OPTN: variants seen among roughly 807,000 people sequenced by gnomAD.
The protein encoded by OPTN is E3-14.7K-interacting protein.
Under a neutral mutation model 70.4 loss-of-function variants are expected in OPTN, and 54 were observed. The observed-to-expected ratio is 0.77, with a 90% CI of 0.62 to 0.96. The LOEUF (loss-of-function observed/expected upper bound fraction) is 0.96. OPTN is among the 40% of genes least tolerant of loss of function. OPTN has a pLI of 0.00. For missense variants in OPTN, 624 were observed against 673.2 expected (o/e 0.93, Z 0.81); for synonymous variants, 256 against 248.5 (o/e 1.03, Z -0.28).
At chr10:13,114,747 CA>C (rs1477302049) in intron 5 of OPTN, among the ~76,000 whole-genome samples, 1 of 51,406 alleles carries the variant, frequency 1.9e-5, no homozygotes, top group South Asian at 5.4e-4. Context: ...ATATATTCTA[CA>C]ATTATATAAT....
chr10:13,129,744 A>G (rs966571888), intron 12 of OPTN, among the ~76,000 whole-genome samples: 8 of 152,186 alleles, frequency 5.3e-5, no homozygotes, highest in African/African-American at 1.9e-4. Context: ...TCACCAAAAG[A>G]TAAGCACTCC....
chr10:13,134,142 TTC>T (rs1341950135), intron 14 of OPTN, among the ~76,000 whole-genome samples: 1 of 152,228 alleles, frequency 6.6e-6, no homozygotes, highest in Non-Finnish European at 1.5e-5. Flanking sequence ...TCTCCCTCTG[TTC>T]TCTTACAGAC....
Position 13,109,181 on chromosome 10 carries a change from C to T in OPTN, c.59C>T (p.Thr20Ile). ...TEKEDSPSESTGNGPPHLAHP... is the reference protein window; with the variant it reads ...TEKEDSPSESIGNGPPHLAHP... ...AAGGAGGACAGCCCCAGTGAAAGCA[C>T]AGGAAATGGACCCCCCCACCTGGCC... is the stretch of plus-strand genomic sequence containing the variant. The change falls in exon 3 of 15, where the codon ACA (threonine) becomes ATA (isoleucine). Residue 20 changes from threonine (T) to isoleucine (I), a missense_variant. Transcript: ENST00000378747. 1 of 1,614,048 alleles carries T rather than the reference C, an allele frequency of 6.2e-7. No homozygotes were observed. Among genetic ancestry groups the T allele is most frequent in the Non-Finnish European group, 8.5e-7 (1 of 1,179,998 alleles).
In OPTN at chr10:13,118,887, G is replaced by A; in HGVS notation, c.627-1G>A. 2 of 1,613,842 alleles carry A rather than the reference G, an allele frequency of 1.2e-6. No homozygotes were observed. The highest frequency in any genetic ancestry group is 1.7e-6 in the Non-Finnish European group (2 of 1,179,750). ...AACCTTTTAACCTTTATACTGAACA[G>A]GGCATTGTCTAAATATAGGAGCAGA... On this transcript the variant is annotated splice_acceptor_variant, in intron 6 of 14. Transcript: ENST00000378747. LOFTEE classifies it high-confidence loss of function.
chr10:13,103,605 A>T (rs540734760), intron 1 of OPTN, among the ~76,000 whole-genome samples: 27 of 152,230 alleles, frequency 1.8e-4, no homozygotes, highest in Non-Finnish European at 3.7e-4. Flanking sequence ...ACCAGACAAG[A>T]CATTCTTGCA....
chr10:13,110,919 TA>T (rs887252888), intron 4 of OPTN, among the ~76,000 whole-genome samples: 4 of 152,240 alleles, frequency 2.6e-5, no homozygotes, highest in African/African-American at 9.6e-5. Context: ...TTTTCCTTTT[TA>T]AAAATGCTTT....
intron 1 of OPTN, among the ~76,000 whole-genome samples, chr10:13,101,392 A>AC (rs1288671596): frequency 6.6e-4 from 47 of 71,642 alleles, no homozygotes; most frequent in Non-Finnish European, 7.7e-4. Context: ...CCTAACCTCC[A>AC]CCCCCCCACC....
chr10:13,119,442 A>G (rs1833294317), intron 7 of OPTN, among the ~76,000 whole-genome samples: 1 of 152,176 alleles, frequency 6.6e-6, no homozygotes, highest in African/African-American at 2.4e-5. Flanking sequence ...CATTTTGTTT[A>G]TTCATTCATC....
At chr10:13,113,792 T>C (rs1833062922) in intron 5 of OPTN, among the ~76,000 whole-genome samples, 1 of 152,170 alleles carries the variant, frequency 6.6e-6, no homozygotes, top group Admixed American at 6.5e-5. Flanking sequence ...GTGTAATGGC[T>C]CACGCCTATA....
intron 5 of OPTN, among the ~76,000 whole-genome samples, chr10:13,114,814 T>TTATATAATTATATAATTATATAACATA (rs1333133395): frequency 3.0e-5 from 2 of 66,690 alleles, no homozygotes; most frequent in African/African-American, 6.6e-5. Context: ...ATATATATAA[T>TTATATAATTATATAATTATATAACATA]TATATAATTA....
intron 14 of OPTN, 76 bp from the exon 15 acceptor site, chr10:13,136,669 G>T (rs541689571): frequency 1.3e-6 from 2 of 1,574,348 alleles, no homozygotes; most frequent in African/African-American, 1.4e-5. Flanking sequence ...GTTAAAACTC[G>T]CCATCTGTTC....
At chr10:13,129,203 T>A (rs1298981714) in intron 12 of OPTN, among the ~76,000 whole-genome samples, 1 of 152,198 alleles carries the variant, frequency 6.6e-6, no homozygotes, top group African/African-American at 2.4e-5. Flanking sequence ...CTTGGCACCA[T>A]TTAAGCCATC....
chr10:13,112,483 G>T lies in OPTN; in HGVS notation c.400G>T (p.Ala134Ser), dbSNP rs952044326. ...CACTGATGACTCCAGGCTTCCCAGG[G>T]CCGAAGCGGAGCAGGAAAAGGACCA... ...DPTDDSRLPR[A>S]EAEQEKDQLR... The change falls in exon 5 of 15, where the codon GCC (alanine) becomes TCC (serine). Residue 134 changes from alanine to serine, a missense_variant. Transcript: ENST00000378747. The T allele has an allele frequency of 2.5e-6, 4 of 1,613,846 alleles. No homozygotes were observed. The African/African-American group carries it at 5.3e-5, about 22-fold the overall frequency.
chr10:13,118,495 A>G (rs755683855), intron 6 of OPTN, among the ~76,000 whole-genome samples: 12 of 152,304 alleles, frequency 7.9e-5, no homozygotes, highest in Non-Finnish European at 1.5e-4. Context: ...GGTCTGTACA[A>G]TGTGCCTTTA....
chr10:13,105,869 A>G (rs1356909149), intron 1 of OPTN, among the ~76,000 whole-genome samples: 1 of 151,960 alleles, frequency 6.6e-6, no homozygotes, highest in Non-Finnish European at 1.5e-5. Flanking sequence ...AGATTGTGCC[A>G]CTGTACTCCA....
At chr10:13,109,830 G>T (rs1187871847) in intron 3 of OPTN, among the ~76,000 whole-genome samples, 9 of 52,814 alleles carry the variant, frequency 1.7e-4, no homozygotes, top group African/African-American at 6.5e-4. Context: ...GAGAGACCCT[G>T]ACTCAAAAAA....
intron 1 of OPTN, among the ~76,000 whole-genome samples, chr10:13,101,071 T>C (rs766171061): frequency 2.1e-4 from 32 of 152,314 alleles, no homozygotes; most frequent in Non-Finnish European, 3.8e-4. Flanking sequence ...CCTTGCTCTT[T>C]TGACCCAGGG....
intron 7 of OPTN, among the ~76,000 whole-genome samples, chr10:13,120,401 C>T (rs1429572603): frequency 1.3e-5 from 2 of 151,218 alleles, no homozygotes; most frequent in Non-Finnish European, 3.0e-5. Flanking sequence ...TTTCTTTTGT[C>T]ACCTGTGCTT....
At chr10:13,136,259 T>C (rs142853913) in intron 14 of OPTN, among the ~76,000 whole-genome samples, 2,068 of 152,074 alleles carry the variant, frequency 0.014, 39 homozygotes, top group South Asian at 0.054. Context: ...CCAGTAATCC[T>C]AGCACTTTGG....
Sources: allele counts gnomAD v4.1 joint callset (sites outside exome capture counted in the v4.1 genomes callset), GRCh38; gene constraint gnomAD v4.1.1; transcripts MANE v1.5; gene names NCBI Gene and HGNC (gene_info 2026-07-23, HGNC 2026-07-21).